GDF6: variants seen among roughly 807,000 people sequenced by gnomAD.
GDF6 encodes the protein growth/differentiation factor 6.
Under a neutral mutation model 32.4 loss-of-function variants are expected in GDF6, and 3 were observed. The ratio of observed to expected loss-of-function variants is 0.09; its 90% CI spans 0.04 to 0.24. The LOEUF is 0.24. GDF6 is among the 10% of genes least tolerant of loss of function. The pLI is 1.00. For synonymous variants in GDF6, 296 were observed against 295.3 expected (o/e 1.00, Z -0.03); for missense variants, 589 against 637.9 (o/e 0.92, Z 0.83).
chr8:96,147,084 T>C (rs1166890303), intron 1 of GDF6, among the ~76,000 whole-genome samples: 1 of 152,078 alleles, frequency 6.6e-6, no homozygotes, highest in Admixed American at 6.5e-5. Context: ...TCGATTTCAA[T>C]AGTAAAAGTG....
In GDF6 at chr8:96,160,509, G is replaced by A; in HGVS notation, c.184C>T (p.Arg62Trp). Residue 62 changes from arginine (R) to tryptophan (W), a missense_variant, in exon 1 of 2, where the codon CGG (arginine) becomes TGG (tryptophan). Coordinates refer to ENST00000287020, the MANE Select transcript of GDF6 (RefSeq NM_001001557.4). ...CGCGGCTGTGGTTCCTGGCCCTCCC[G>A]GCCCGCGTCACTGTCGCGCGGCGCC... The part of the protein sequence containing the change: ...QRAPRDSDAG[R>W]EGQEPQPRPQ... The A allele has an allele frequency of 6.2e-7, 1 of 1,613,088 alleles. No homozygotes were observed. The highest frequency in any genetic ancestry group is 8.5e-7 in the Non-Finnish European group (1 of 1,179,550).
chr8:96,160,482 G>C lies in GDF6; in HGVS notation c.211C>G (p.Pro71Ala). 1.9e-6 allele frequency: 3 copies of C among 1,612,798 alleles called. No homozygotes were observed. The highest frequency in any genetic ancestry group is 2.5e-6 in the Non-Finnish European group (3 of 1,179,356). The change falls in exon 1 of 2, where the codon CCT becomes GCT. Residue 71 changes from proline (P) to alanine (A), a missense_variant. By Grantham distance (27) the Pro-to-Ala change is conservative (BLOSUM62 -1). Coordinates refer to ENST00000287020, the MANE Select transcript of GDF6 (RefSeq NM_001001557.4). ...GREGQEPQPR[P>A]QDEPRAQQPR... ...TGCTGAGCCCGGGGTTCGTCCTGAG[G>C]CCGCGGCTGTGGTTCCTGGCCCTCC... is the stretch of plus-strand genomic sequence containing the variant.
At position 96,145,054 on chromosome 8, in the gene GDF6, T is replaced by G; in HGVS notation, c.877A>C (p.Met293Leu). The stretch of plus-strand genomic sequence containing the variant: ...TCGGCCGAGCCCAGCTGCTCGCGCA[T>G]CTCTGCGAACAGGTTCTTGCGCTGG... ...RSQRKNLFAE[M>L]REQLGSAEAA... Residue 293 changes from methionine (M) to leucine (L), a missense_variant, in exon 2 of 2, where the codon ATG (methionine) becomes CTG (leucine). Met to Leu is a conservative substitution (Grantham distance 15). Around this residue, in one of 2 missense-constraint regions of GDF6, gnomAD observed 436 missense variants for 411.2 expected, o/e 1.06. Coordinates refer to ENST00000287020, the MANE Select transcript of GDF6 (RefSeq NM_001001557.4). This position sits in a 1 kb window ranked among gnomAD's most constrained non-coding sequence, Gnocchi z 5.6. 1 of 1,488,106 alleles carries G rather than the reference T, an allele frequency of 6.7e-7. No individual in the cohort carries two copies. Among genetic ancestry groups the G allele is most frequent in the Non-Finnish European group, 8.9e-7 (1 of 1,126,234 alleles). The allele number at this position is 1,488,106 out of a possible 1,614,324, so 92.2% of individuals were successfully genotyped here. A position where few individuals can be genotyped will look rare whatever the true frequency, so the allele number is the denominator to read the frequency against.
At position 96,144,578 on chromosome 8, in the gene GDF6, C is replaced by T; in HGVS notation, c.1353G>A (p.Ser451=). Reference sequence around the variant, plus strand: ...AAAGGCACCGCTACCTGCAGCCGCACGACTCCACCACCATGTCCTCGTACT... The same window carrying T: ...AAAGGCACCGCTACCTGCAGCCGCATGACTCCACCACCATGTCCTCGTACT... ...YKQYEDMVVE[S]CGCR is the part of the protein sequence containing the mutation. The change falls in exon 2 of 2, where the codon TCG becomes TCA. Residue 451 remains serine, a synonymous_variant. Transcript: ENST00000287020. This position sits in a 1 kb window ranked among gnomAD's most constrained non-coding sequence, Gnocchi z 5.1. The T allele has an allele frequency of 1.2e-6, 2 of 1,613,830 alleles. No individual in the cohort carries two copies. The highest frequency in any genetic ancestry group is 1.7e-6 in the Non-Finnish European group (2 of 1,179,928).
chr8:96,146,963 G>A (rs534684702), intron 1 of GDF6, among the ~76,000 whole-genome samples: 11 of 152,140 alleles, frequency 7.2e-5, no homozygotes, highest in Non-Finnish European at 1.3e-4. Flanking sequence ...TGTGCAAGGC[G>A]GAAAGCTAAC....
At chr8:96,157,915 C>A (rs1312915968) in intron 1 of GDF6, among the ~76,000 whole-genome samples, 1 of 152,172 alleles carries the variant, frequency 6.6e-6, no homozygotes, top group Non-Finnish European at 1.5e-5. Context: ...GTGAGGCTTT[C>A]CCTTTATCAA....
chr8:96,151,160 T>C (rs559942129), intron 1 of GDF6, among the ~76,000 whole-genome samples: 1 of 152,352 alleles, frequency 6.6e-6, no homozygotes, highest in South Asian at 2.1e-4. Context: ...CTTTGCAAGC[T>C]GCTGACGCAT....
intron 1 of GDF6, among the ~76,000 whole-genome samples, chr8:96,153,643 G>T (rs1812607746): frequency 6.6e-6 from 1 of 152,212 alleles, no homozygotes; most frequent in South Asian, 2.1e-4. Context: ...GCTGGAATAT[G>T]ATCGGGCTGC....
intron 1 of GDF6, among the ~76,000 whole-genome samples, chr8:96,157,082 G>A (rs1255620939): frequency 6.6e-6 from 1 of 152,180 alleles, no homozygotes; most frequent in Non-Finnish European, 1.5e-5. Context: ...ATAACTAAGC[G>A]AGATAATTCA....
intron 1 of GDF6, among the ~76,000 whole-genome samples, chr8:96,158,448 G>C (rs1391640189): frequency 6.6e-6 from 1 of 152,204 alleles, no homozygotes; most frequent in Non-Finnish European, 1.5e-5. Flanking sequence ...CGAACAGCCC[G>C]CAGGGTCTTT....
At chr8:96,148,193 T>G (rs568473753) in intron 1 of GDF6, among the ~76,000 whole-genome samples, 1 of 152,196 alleles carries the variant, frequency 6.6e-6, no homozygotes, top group South Asian at 2.1e-4. Flanking sequence ...CAGCTTCTTC[T>G]CTCTTCTCTT....
rs1396158073 is a variant in GDF6 at position 96,145,946 on chromosome 8, C to T, written c.407-422G>A. On this transcript the variant is annotated intron_variant, in intron 1 of 1. Transcript: ENST00000287020. This position sits in a 1 kb window ranked among gnomAD's most constrained non-coding sequence, Gnocchi z 5.6. Reference sequence around the variant, plus strand: ...ATGTCACCTCCTCCAAGTAGCCACCCCTGAGCACCCTGATCTAAGGTAGCC... The same window carrying T: ...ATGTCACCTCCTCCAAGTAGCCACCTCTGAGCACCCTGATCTAAGGTAGCC... 6.6e-6 allele frequency among the ~76,000 whole-genome samples: 1 copy of T among 152,232 alleles called. No individual in the cohort carries two copies. The highest frequency in any genetic ancestry group is 1.5e-5 in the Non-Finnish European group (1 of 68,042).
At position 96,145,125 on chromosome 8, in the gene GDF6, A is replaced by C. The variant is rs1812452614; in HGVS notation, c.806T>G (p.Val269Gly). ...CAGGGCCCGCTCCTGGGGAGGCCGC[A>C]CCCTCCGGCCGAAGCCCAGACTCCG... The part of the protein sequence containing the change: ...DLRSLGFGRR[V>G]RPPQERALLV... The change falls in exon 2 of 2, where the codon GTG becomes GGG. Residue 269 changes from valine (V) to glycine (G), a missense_variant. Physicochemically the swap from Val to Gly is moderately radical, Grantham distance 109 (BLOSUM62 -3). Transcript: ENST00000287020. The surrounding 1 kb of genome is among the most constrained non-coding windows in gnomAD (Gnocchi z 5.6). 6.6e-7 allele frequency: 1 copy of C among 1,516,992 alleles called. No individual in the cohort carries two copies. Among genetic ancestry groups the C allele is most frequent in the Admixed American group, 2.0e-5 (1 of 50,002 alleles). 94.0% of individuals were successfully genotyped at this position (1,516,992 alleles called of 1,614,324 possible). A position where few individuals can be genotyped will look rare whatever the true frequency, so the allele number is the denominator to read the frequency against.
At chr8:96,156,506 C>CCCAGGGCTGG (rs1458282715) in intron 1 of GDF6, among the ~76,000 whole-genome samples, 1 of 152,042 alleles carries the variant, frequency 6.6e-6, no homozygotes, top group South Asian at 2.1e-4. Context: ...TTTCCCAGGC[C>CCCAGGGCTGG]CCAGGGCTGG....
rs200398313 is a variant in GDF6 at position 96,160,420 on chromosome 8, G to T, written c.273C>A (p.Arg91=). The T allele has an allele frequency of 1.1e-5, 17 of 1,614,122 alleles. No individual in the cohort carries two copies. The East Asian group carries it at 3.6e-4, about 34-fold the overall frequency. The change falls in exon 1 of 2, where the codon CGC becomes CGA. Residue 91 remains arginine (R), a synonymous_variant. Transcript: ENST00000287020. The part of the protein sequence containing the change: ...RAQEPPGRGP[R]VVPHEYMLSI... ...ACAGCATGTACTCGTGGGGCACCAC[G>T]CGCGGACCCCTGCCTGGCGGCTCCT...
chr8:96,158,462 T>C (rs1247553574), intron 1 of GDF6, among the ~76,000 whole-genome samples: 1 of 152,182 alleles, frequency 6.6e-6, no homozygotes, highest in East Asian at 1.9e-4. Context: ...GGTCTTTTGG[T>C]CCTGTGCCAA....
rs372787758 is a variant in GDF6 at position 96,150,466 on chromosome 8, C to A, written c.407-4942G>T. Among the ~76,000 whole-genome samples the A allele has an allele frequency of 2.0e-5, 3 of 152,358 alleles. No homozygotes were observed. The South Asian group carries it at 6.2e-4, about 32-fold the overall frequency. ...TTTTAGAGCCAGCAGCAGCATTGAG[C>A]GCTTGTAGGGCACCACCTTTGTGCT... On this transcript the variant is annotated intron_variant, in intron 1 of 1. Coordinates refer to ENST00000287020, the MANE Select transcript of GDF6 (RefSeq NM_001001557.4).
At position 96,144,645 on chromosome 8, in the gene GDF6, C is replaced by T; in HGVS notation, c.1286G>A (p.Ser429Asn). ...CCVPTKLTPI[S>N]ILYIDAGNNV... Reference sequence around the variant, plus strand: ...ATTGCCCGCGTCGATGTATAGAATGCTGATGGGAGTCAATTTGGTGGGCAC... The same window carrying T: ...ATTGCCCGCGTCGATGTATAGAATGTTGATGGGAGTCAATTTGGTGGGCAC... The change falls in exon 2 of 2, where the codon AGC becomes AAC. Residue 429 changes from serine to asparagine, a missense_variant. Transcript: ENST00000287020. The surrounding 1 kb of genome is among the most constrained non-coding windows in gnomAD (Gnocchi z 5.1). 1 of 1,614,120 alleles carries T rather than the reference C, an allele frequency of 6.2e-7. No individual in the cohort carries two copies.
At chr8:96,149,015 T>C (rs1411407191) in intron 1 of GDF6, among the ~76,000 whole-genome samples, 2 of 152,256 alleles carry the variant, frequency 1.3e-5, no homozygotes, top group Non-Finnish European at 2.9e-5. Context: ...CTTTGCCTGC[T>C]GCCTGCTGAC....
Sources: allele counts gnomAD v4.1 joint callset (sites outside exome capture counted in the v4.1 genomes callset), GRCh38; gene constraint gnomAD v4.1.1; regional missense constraint gnomAD v4.1.1; non-coding constraint Gnocchi (gnomAD v3.1); transcripts MANE v1.5; gene names NCBI Gene and HGNC (gene_info 2026-07-23, HGNC 2026-07-21).